SPOCK1: variants seen among roughly 807,000 people sequenced by gnomAD.
The protein encoded by SPOCK1 is testican-1.
A neutral mutation model predicts 55.3 loss-of-function variants in SPOCK1; 23 were observed. The observed-to-expected ratio is 0.42, with a 90% CI of 0.30 to 0.59. The LOEUF is 0.59. SPOCK1 is among the 20% of genes least tolerant of loss of function. The pLI, the probability that SPOCK1 is intolerant of heterozygous loss-of-function variation, is 0.22. For missense variants in SPOCK1, 499 were observed against 552.5 expected (o/e 0.90, Z 0.97); for synonymous variants, 226 against 221.0 (o/e 1.02, Z -0.20).
intron 3 of SPOCK1, among the ~76,000 whole-genome samples, chr5:137,166,511 G>T (rs564879113): frequency 6.6e-5 from 10 of 151,904 alleles, no homozygotes; most frequent in South Asian, 4.2e-4. Context: ...TAAATATACA[G>T]AAAAACACAG....
At chr5:137,096,388 C>T (rs939338934) in intron 5 of SPOCK1, among the ~76,000 whole-genome samples, 2 of 152,162 alleles carry the variant, frequency 1.3e-5, no homozygotes, top group Non-Finnish European at 2.9e-5. Context: ...AGAGAGGCAG[C>T]ACCAATGGGG....
At chr5:137,371,882 A>C (rs1159636367) in intron 2 of SPOCK1, among the ~76,000 whole-genome samples, 1 of 152,198 alleles carries the variant, frequency 6.6e-6, no homozygotes, top group Non-Finnish European at 1.5e-5. Context: ...GGCTGTTACT[A>C]TCCTCAGGTG....
chr5:137,285,750 C>A (rs1287264551), intron 2 of SPOCK1, among the ~76,000 whole-genome samples: 1 of 152,118 alleles, frequency 6.6e-6, no homozygotes, highest in East Asian at 1.9e-4. Flanking sequence ...TAATGGAAGC[C>A]TTTTGCACCA....
chr5:137,483,611 TA>T (rs1015141708), intron 2 of SPOCK1, among the ~76,000 whole-genome samples: 1 of 152,210 alleles, frequency 6.6e-6, no homozygotes, highest in Non-Finnish European at 1.5e-5. Flanking sequence ...ACTGTATCTC[TA>T]GGCCAGCATT....
intron 2 of SPOCK1, among the ~76,000 whole-genome samples, chr5:137,305,698 C>G (rs1175307738): frequency 1.3e-5 from 2 of 152,204 alleles, no homozygotes; most frequent in Admixed American, 1.3e-4. Flanking sequence ...TGCACCCAGT[C>G]CTACTGCCTT....
intron 2 of SPOCK1, among the ~76,000 whole-genome samples, chr5:137,417,728 T>C (rs1752371668): frequency 6.6e-6 from 1 of 152,208 alleles, no homozygotes; most frequent in African/African-American, 2.4e-5. Context: ...TTTATTCCTT[T>C]CTAATTGCTG....
chr5:137,359,183 G>T (rs763433526), intron 2 of SPOCK1, among the ~76,000 whole-genome samples: 4 of 152,104 alleles, frequency 2.6e-5, no homozygotes, highest in Non-Finnish European at 5.9e-5. Flanking sequence ...ATAAAACTTT[G>T]GATCATTTCA....
chr5:136,980,841 G>A (rs979141405), intron 9 of SPOCK1, among the ~76,000 whole-genome samples: 2 of 152,060 alleles, frequency 1.3e-5, no homozygotes, highest in Non-Finnish European at 2.9e-5. Context: ...TTTATAAAAT[G>A]AGAATCTCTT....
chr5:137,201,337 T>G (rs1044199005), intron 3 of SPOCK1, among the ~76,000 whole-genome samples: 1 of 152,194 alleles, frequency 6.6e-6, no homozygotes, highest in East Asian at 1.9e-4. Context: ...GGAACGATGT[T>G]AGGATTTTAA....
intron 5 of SPOCK1, among the ~76,000 whole-genome samples, chr5:137,073,267 T>G (rs942193821): frequency 6.6e-6 from 1 of 152,192 alleles, no homozygotes; most frequent in African/African-American, 2.4e-5. Context: ...GTCAGGGAAT[T>G]AAGCAAGAGA....
At chr5:137,405,555 G>A (rs538362372) in intron 2 of SPOCK1, among the ~76,000 whole-genome samples, 2 of 152,180 alleles carry the variant, frequency 1.3e-5, no homozygotes, top group African/African-American at 2.4e-5. Flanking sequence ...AGCCAAGAAC[G>A]GGCAGACAGA....
chr5:137,439,655 G>T (rs1309144398), intron 2 of SPOCK1, among the ~76,000 whole-genome samples: 4 of 152,132 alleles, frequency 2.6e-5, no homozygotes, highest in Non-Finnish European at 5.9e-5. Flanking sequence ...TAGGTTTAAG[G>T]CTGGGGTACC....
At chr5:137,149,513 A>C (rs1754270649) in intron 3 of SPOCK1, among the ~76,000 whole-genome samples, 1 of 152,250 alleles carries the variant, frequency 6.6e-6, no homozygotes, top group Admixed American at 6.5e-5. Context: ...ATAAGAGGGC[A>C]TAAAAAGCAT....
At chr5:137,369,708 C>T (rs1181583071) in intron 2 of SPOCK1, among the ~76,000 whole-genome samples, 4 of 152,236 alleles carry the variant, frequency 2.6e-5, no homozygotes, top group African/African-American at 9.7e-5. Context: ...AAGGTGCTGG[C>T]CAATTCAGTT....
At chr5:137,182,460 T>C (rs965543011) in intron 3 of SPOCK1, among the ~76,000 whole-genome samples, 5 of 152,250 alleles carry the variant, frequency 3.3e-5, no homozygotes, top group Admixed American at 6.5e-5. Context: ...GTGTTTCCTA[T>C]TGGTATACAC....
chr5:137,289,692 T>A (rs1452840137), intron 2 of SPOCK1, among the ~76,000 whole-genome samples: 2 of 151,998 alleles, frequency 1.3e-5, no homozygotes, highest in East Asian at 1.9e-4. Context: ...ATAAAATTCA[T>A]AAAGCATCTC....
At chr5:137,349,346 A>G (rs1750627717) in intron 2 of SPOCK1, among the ~76,000 whole-genome samples, 3 of 152,188 alleles carry the variant, frequency 2.0e-5, no homozygotes, top group South Asian at 4.1e-4. Flanking sequence ...TTAAATAGTC[A>G]ATATTATTGA....
intron 9 of SPOCK1, among the ~76,000 whole-genome samples, chr5:136,979,980 A>G (rs2126956893): frequency 6.6e-6 from 1 of 152,342 alleles, no homozygotes; most frequent in Middle Eastern, 3.4e-3. Flanking sequence ...TAACTACTGC[A>G]CTTGGTTCTG....
chr5:137,097,196 G>A (rs1753166883), intron 5 of SPOCK1, among the ~76,000 whole-genome samples: 1 of 152,114 alleles, frequency 6.6e-6, no homozygotes, highest in Non-Finnish European at 1.5e-5. Flanking sequence ...GCCACTGGGG[G>A]GTAGACTCTG....
Sources: gnomAD v4.1 joint callset for allele counts (sites outside exome capture counted in the v4.1 genomes callset) on GRCh38, gnomAD v4.1.1 for gene constraint, MANE v1.5 for transcripts, NCBI Gene and HGNC (gene_info 2026-07-23, HGNC 2026-07-21) for gene names.